The following GRID2 variants were observed in gnomAD, a reference collection of about 807,000 sequenced individuals.
GRID2 encodes the protein glutamate receptor ionotropic, delta-2.
Under a neutral mutation model 114.8 loss-of-function variants are expected in GRID2, and 33 were observed. The ratio of observed to expected loss-of-function variants is 0.29; its 90% CI spans 0.22 to 0.38. GRID2 has a LOEUF of 0.38. Among genes scored for constraint, GRID2 ranks in the 10% least tolerant of loss-of-function variants. The pLI, the probability that GRID2 is intolerant of heterozygous loss-of-function variation, is 1.00. For missense variants in GRID2, 1,184 were observed against 1,257.7 expected (o/e 0.94, Z 0.89); for synonymous variants, 505 against 449.9 (o/e 1.12, Z -1.55).
chr4:93,015,025 TTAAAA>T, intron 2 of GRID2, among the ~76,000 whole-genome samples: 1 of 152,202 alleles, frequency 6.6e-6, no homozygotes, highest in Non-Finnish European at 1.5e-5. Flanking sequence ...CAAGAGGTGA[TTAAAA>T]TAAATGACCA....
At chr4:92,530,770 G>A (rs1725312400) in intron 1 of GRID2, among the ~76,000 whole-genome samples, 1 of 151,128 alleles carries the variant, frequency 6.6e-6, no homozygotes, top group Non-Finnish European at 1.5e-5. Context: ...AGCTGGGCGT[G>A]GTGGCGTGTG....
At chr4:93,755,322 C>A (rs1732650539) in intron 14 of GRID2, among the ~76,000 whole-genome samples, 1 of 152,110 alleles carries the variant, frequency 6.6e-6, no homozygotes, top group African/African-American at 2.4e-5. Flanking sequence ...GACTAATTCC[C>A]AGCATATCTC....
intron 2 of GRID2, among the ~76,000 whole-genome samples, chr4:92,697,291 G>A (rs1020596479): frequency 6.6e-6 from 1 of 152,114 alleles, no homozygotes; most frequent in Non-Finnish European, 1.5e-5. Flanking sequence ...CAGAGGAAAT[G>A]AAGCGGAGGC....
At position 93,660,027 on chromosome 4, in the gene GRID2, T is replaced by TC. The variant is rs1161244120; in HGVS notation, c.2360+33593dup. On this transcript the variant is annotated intron_variant, in intron 14 of 15. Transcript: ENST00000282020. ...AAAGCACTATTCGTGATTTTTTTTT[T>TC]CTGATGCAGGGTTGGAGGCTTTTCT... is the stretch of plus-strand genomic sequence containing the variant. Among the ~76,000 whole-genome samples, 3 of 152,222 alleles carry TC rather than the reference T, an allele frequency of 2.0e-5. No individual in the cohort carries two copies. In the East Asian group the frequency reaches 5.8e-4, roughly 29 times the overall value.
chr4:93,026,318 G>A (rs1220063306), intron 2 of GRID2, among the ~76,000 whole-genome samples: 1 of 151,626 alleles, frequency 6.6e-6, no homozygotes, highest in Non-Finnish European at 1.5e-5. Context: ...GGCATATTTG[G>A]CCTCACACAA....
chr4:93,388,420 TA>T (rs970033396), intron 8 of GRID2, among the ~76,000 whole-genome samples: 22 of 152,282 alleles, frequency 1.4e-4, no homozygotes, highest in Middle Eastern at 6.8e-3. Context: ...GATCTTTTTT[TA>T]TAACTCCCCT....
chr4:93,395,590 G>A lies in GRID2; in HGVS notation c.1246-17G>A. 4 of 1,219,162 alleles carry A rather than the reference G, an allele frequency of 3.3e-6. No homozygotes were observed. The highest frequency in any genetic ancestry group is 4.9e-6 in the Non-Finnish European group (4 of 822,638). 75.5% of individuals were successfully genotyped at this position (1,219,162 alleles called of 1,614,324 possible). On this transcript the variant is annotated splice_polypyrimidine_tract_variant and intron_variant, in intron 8 of 15. Coordinates refer to ENST00000282020, the MANE Select transcript of GRID2 (RefSeq NM_001510.4). ...TTCTTCAGGCAGAAAAATGACCAAA[G>A]TTGTCTTATCTTTCAGCTTGGTTGC...
chr4:93,161,707 A>T (rs1737698994), intron 4 of GRID2, among the ~76,000 whole-genome samples: 1 of 151,838 alleles, frequency 6.6e-6, no homozygotes, highest in Admixed American at 6.6e-5. Context: ...TTTTTATGTG[A>T]CTGAAACTAT....
At chr4:92,611,018 C>CTGTGTGTGTG (rs34268472) in intron 2 of GRID2, among the ~76,000 whole-genome samples, 3 of 146,594 alleles carry the variant, frequency 2.0e-5, no homozygotes, top group Non-Finnish European at 3.0e-5. Flanking sequence ...ATTGAATAGT[C>CTGTGTGTGTG]TGTGTGTGTG....
chr4:93,615,807 A>G (rs921181740), intron 13 of GRID2, among the ~76,000 whole-genome samples: 13 of 152,196 alleles, frequency 8.5e-5, no homozygotes, highest in African/African-American at 3.1e-4. Context: ...GTTACAATCT[A>G]CACATACCAT....
intron 2 of GRID2, among the ~76,000 whole-genome samples, chr4:92,600,803 A>G (rs976901716): frequency 1.3e-5 from 2 of 152,224 alleles, no homozygotes; most frequent in Non-Finnish European, 2.9e-5. Context: ...TGATGCTAGC[A>G]GGAATGCTCC....
Position 93,371,002 on chromosome 4 carries a change from C to A in GRID2, c.1246-24605C>A, listed in dbSNP as rs1254659730. Among the ~76,000 whole-genome samples, 4 of 152,142 alleles carry A rather than the reference C, an allele frequency of 2.6e-5. 1 individual carries two copies. In the South Asian group the frequency reaches 8.3e-4, roughly 31 times the overall value. On this transcript the variant is annotated intron_variant, in intron 8 of 15. Transcript: ENST00000282020. ...AGTTAACAAATTAAGCAAAATACTT[C>A]TAGGACCAGGAACTCAATATGGAGA...
At chr4:92,911,846 A>G (rs1288655767) in intron 2 of GRID2, among the ~76,000 whole-genome samples, 1 of 151,784 alleles carries the variant, frequency 6.6e-6, no homozygotes, top group Admixed American at 6.6e-5. Flanking sequence ...ACATGCAGCA[A>G]CAATAAATCC....
At chr4:92,914,685 C>G (rs1386478135) in intron 2 of GRID2, among the ~76,000 whole-genome samples, 8 of 152,038 alleles carry the variant, frequency 5.3e-5, no homozygotes, top group Non-Finnish European at 1.2e-4. Context: ...ATTTTCTGTT[C>G]CTATATTAGT....
intron 1 of GRID2, among the ~76,000 whole-genome samples, chr4:92,584,251 C>T (rs73837319): frequency 1.7e-3 from 255 of 151,850 alleles, no homozygotes; most frequent in African/African-American, 5.9e-3. Context: ...TTTTAAAATG[C>T]CTGTATAATT....
intron 4 of GRID2, among the ~76,000 whole-genome samples, chr4:93,120,001 A>G (rs1012121789): frequency 2.8e-4 from 43 of 152,216 alleles, no homozygotes; most frequent in Non-Finnish European, 1.5e-4. Flanking sequence ...TCTGTAGCTC[A>G]TCATCACTGG....
rs955041864 is a variant in GRID2, at chr4:92,378,267, T to G, written c.88+73523T>G. Among the ~76,000 whole-genome samples, 10 of 152,190 alleles carry G rather than the reference T, an allele frequency of 6.6e-5. No homozygotes were observed. The South Asian group carries it at 2.1e-3, about 32-fold the overall frequency. On this transcript the variant is annotated intron_variant, in intron 1 of 15. Transcript: ENST00000282020. ...CAAAAGATTAGACATATTAAACTAT[T>G]AAGTATTGCTTCAAACCACTCTCAG...
intron 8 of GRID2, among the ~76,000 whole-genome samples, chr4:93,256,544 T>G (rs571103436): frequency 6.6e-6 from 1 of 151,848 alleles, no homozygotes; most frequent in African/African-American, 2.4e-5. Flanking sequence ...AGACCTATAT[T>G]GAGGAACAAA....
intron 1 of GRID2, among the ~76,000 whole-genome samples, chr4:92,451,125 T>C (rs1041780341): frequency 6.6e-6 from 1 of 152,070 alleles, no homozygotes; most frequent in Non-Finnish European, 1.5e-5. Flanking sequence ...AGTTCTTATT[T>C]ATGGGAATTA....
Sources: allele counts gnomAD v4.1 joint callset (sites outside exome capture counted in the v4.1 genomes callset), GRCh38; gene constraint gnomAD v4.1.1; transcripts MANE v1.5; gene names NCBI Gene and HGNC (gene_info 2026-07-23, HGNC 2026-07-21).